Variants in MADD observed in about 807,000 individuals in gnomAD.
MADD encodes MAP kinase activating death domain.
MADD carries 109 observed loss-of-function variants against 176.7 expected under a neutral mutation model. The observed-to-expected ratio is 0.62, with a 90% confidence interval of 0.53 to 0.72. MADD has a LOEUF of 0.72. Ranked by LOEUF, MADD falls within the 30% of genes least tolerant of loss-of-function variation. The probability of loss-of-function intolerance (pLI) is 0.00; values close to 1 mark genes in which losing one functional copy is unlikely to be tolerated. For missense variants in MADD, 1,914 were observed against 2,045.5 expected (o/e 0.94, Z 1.24); for synonymous variants, 771 against 771.3 (o/e 1.00, Z 0.01).
chr11:47,321,411 C>T (rs2094450688), intron 27 of MADD, among the ~76,000 whole-genome samples: 2 of 152,190 alleles, frequency 1.3e-5, no homozygotes, highest in Admixed American at 6.5e-5. Flanking sequence ...TTGTGTGTTC[C>T]TTACTCACTC....
chr11:47,298,041 G>A (rs913154801), intron 22 of MADD, among the ~76,000 whole-genome samples: 7 of 151,928 alleles, frequency 4.6e-5, no homozygotes, highest in Admixed American at 3.9e-4. Flanking sequence ...GCCCACCTCG[G>A]CCTCCCAAAA....
At chr11:47,316,165 A>G (rs1483893185) in intron 27 of MADD, among the ~76,000 whole-genome samples, 3 of 124,634 alleles carry the variant, frequency 2.4e-5, no homozygotes, top group African/African-American at 9.9e-5. Flanking sequence ...GCGCGCGCAC[A>G]CACACGCGCA....
At chr11:47,321,545 G>C (rs2094473020) in intron 27 of MADD, among the ~76,000 whole-genome samples, 1 of 152,200 alleles carries the variant, frequency 6.6e-6, no homozygotes, top group South Asian at 2.1e-4. Context: ...GGGGAAATCA[G>C]ATAATTAAAG....
At chr11:47,282,082 G>A (rs1046519770) in intron 8 of MADD, among the ~76,000 whole-genome samples, 7 of 151,830 alleles carry the variant, frequency 4.6e-5, no homozygotes, top group Middle Eastern at 3.4e-3. Context: ...TGATCCACCC[G>A]CCTTGTCCTC....
At chr11:47,301,574 GCTT>G (rs2077808961) in intron 22 of MADD, among the ~76,000 whole-genome samples, 2 of 152,048 alleles carry the variant, frequency 1.3e-5, no homozygotes, top group African/African-American at 2.4e-5. Flanking sequence ...ATTGCTATAA[GCTT>G]CTTTCTTAAT....
At chr11:47,277,266 A>G (rs1396008037) in intron 5 of MADD, among the ~76,000 whole-genome samples, 1 of 21,016 alleles carries the variant, frequency 4.8e-5, no homozygotes, top group East Asian at 1.3e-3. Flanking sequence ...AGACACAGTA[A>G]GAGAGTAACA....
chr11:47,290,293 A>G (rs1226727492), exon 18 of MADD: 2 of 1,613,904 alleles, frequency 1.2e-6, no homozygotes, highest in Non-Finnish European at 1.7e-6. Flanking sequence ...CCACTACTAT[A>G]GTAAAGGTAG....
chr11:47,287,601 G>A (rs572546036), intron 15 of MADD, among the ~76,000 whole-genome samples: 1 of 151,778 alleles, frequency 6.6e-6, no homozygotes, highest in Non-Finnish European at 1.5e-5. Context: ...GTAGAGACGG[G>A]GTTTCACCAT....
At chr11:47,280,518 A>G (rs1424202846) in intron 7 of MADD, among the ~76,000 whole-genome samples, 1 of 152,130 alleles carries the variant, frequency 6.6e-6, no homozygotes, top group Non-Finnish European at 1.5e-5. Flanking sequence ...GACTAATGAG[A>G]TGGAGAGGTT....
chr11:47,329,081 C>T (rs776863837), exon 33 of MADD: 1 of 1,614,202 alleles, frequency 6.2e-7, no homozygotes, highest in South Asian at 1.1e-5. Context: ...TATGTCTCTT[C>T]TCGTACGTGG....
In MADD at chr11:47,290,134, G is replaced by C; in HGVS notation, c.2944-15G>C. The C allele has an allele frequency of 6.2e-7, 1 of 1,613,678 alleles. No individual in the cohort carries two copies. The highest frequency in any genetic ancestry group is 8.5e-7 in the Non-Finnish European group (1 of 1,179,632). On this transcript the variant is annotated splice_polypyrimidine_tract_variant and intron_variant, in intron 17 of 32. Coordinates refer to ENST00000402192, the Ensembl canonical transcript of MADD. ...AGGCAATTTGCCAACGCTAGCCCCT[G>C]GGTTATTGTTGCAGGAGATCAGTCG...
At position 47,285,435 on chromosome 11, in the gene MADD, C is replaced by T. The variant is rs2059954469; in HGVS notation, c.2412-16C>T. ...TACCCCTGCCTGGGGATCATAGGTG[C>T]CTCTGTGCATTCAAGGGCTCAAAAG... On this transcript the variant is annotated splice_polypyrimidine_tract_variant and intron_variant, in intron 13 of 32. Transcript: ENST00000402192. The T allele has an allele frequency of 6.2e-7, 1 of 1,613,868 alleles. No homozygotes were observed. The highest frequency in any genetic ancestry group is 1.1e-5 in the South Asian group (1 of 91,086).
chr11:47,277,486 G>A (rs930081792), intron 5 of MADD, among the ~76,000 whole-genome samples: 1 of 152,058 alleles, frequency 6.6e-6, no homozygotes, highest in Admixed American at 6.6e-5. Flanking sequence ...TAGTAGAGGC[G>A]GGGTTTCACC....
intron 2 of MADD, 30 bp downstream of exon 2, chr11:47,274,006 A>G: frequency 6.3e-7 from 1 of 1,599,116 alleles, no homozygotes; most frequent in Non-Finnish European, 8.6e-7. Flanking sequence ...CTTTTGTCTT[A>G]ATATCTGGGA....
chr11:47,277,791 G>A (rs1445029477), intron 5 of MADD, among the ~76,000 whole-genome samples: 1 of 152,128 alleles, frequency 6.6e-6, no homozygotes, highest in Non-Finnish European at 1.5e-5. Context: ...GGGACAGAGC[G>A]GGACAGCATG....
chr11:47,327,286 CAG>C, intron 31 of MADD: 1 of 992,074 alleles, frequency 1.0e-6, no homozygotes, highest in African/African-American at 1.7e-5. Context: ...ACTTGAGGGA[CAG>C]AGGAGTCTAG....
intron 5 of MADD, among the ~76,000 whole-genome samples, chr11:47,277,648 A>G (rs2051548833): frequency 2.0e-5 from 3 of 152,318 alleles, no homozygotes; most frequent in African/African-American, 7.2e-5. Flanking sequence ...TGCCAGCATC[A>G]GTACCCTTGT....
intron 19 of MADD, 31 bp from the exon 22 acceptor site, chr11:47,293,852 C>A (rs779516669): frequency 3.5e-6 from 5 of 1,433,994 alleles, no homozygotes; most frequent in Non-Finnish European, 4.9e-6. Flanking sequence ...AGCCTTTGTG[C>A]ACGGAGTAAC....
At chr11:47,287,736 A>G (rs1479871300) in intron 15 of MADD, among the ~76,000 whole-genome samples, 3 of 144,816 alleles carry the variant, frequency 2.1e-5, no homozygotes, top group Admixed American at 6.9e-5. Flanking sequence ...TCTGGATGGT[A>G]TGACGAAATA....
Sources: allele counts gnomAD v4.1 joint callset (sites outside exome capture counted in the v4.1 genomes callset), GRCh38; gene constraint gnomAD v4.1.1; transcripts MANE v1.5; gene names NCBI Gene and HGNC (gene_info 2026-07-23, HGNC 2026-07-21).